Variants in ZZEF1 observed in about 807,000 individuals in gnomAD.
The protein encoded by ZZEF1 is zinc finger ZZ-type and EF-hand domain-containing protein 1.
Under a neutral mutation model 342.8 loss-of-function variants are expected in ZZEF1, and 157 were observed. The ratio of observed to expected loss-of-function variants is 0.46; its 90% confidence interval spans 0.40 to 0.52. ZZEF1 has a LOEUF of 0.52. ZZEF1 is among the 20% of genes least tolerant of loss of function. ZZEF1 has a pLI of 0.00. For synonymous variants in ZZEF1, 1,505 were observed against 1,429.1 expected, an observed-to-expected ratio of 1.05 and a Z score of -1.20; for missense variants, 3,480 against 3,725.6, an observed-to-expected ratio of 0.93 and a Z score of 1.72.
intron 16 of ZZEF1, among the ~76,000 whole-genome samples, chr17:4,084,085 A>G (rs923976449): frequency 1.3e-5 from 2 of 152,234 alleles, no homozygotes; most frequent in Non-Finnish European, 2.9e-5. Context: ...ATCAAAGAGA[A>G]GCAACGACAG....
Position 4,020,826 on chromosome 17 carries a change from AG to A in ZZEF1, c.7404+302del, listed in dbSNP as rs1381140914. 3.9e-5 allele frequency among the ~76,000 whole-genome samples: 6 copies of A among 152,366 alleles called. No individual in the cohort carries two copies. In the South Asian group the frequency reaches 1.0e-3, roughly 26 times the overall value. ...CGTATAGAGTTCATGGACGAGCCTT[AG>A]GGCTTTAGTAAGCCCTTGAAATTCG... On this transcript the variant is annotated intron_variant, in intron 45 of 54. Transcript: ENST00000381638.
intron 40 of ZZEF1, 75 bp downstream of exon 40, chr17:4,033,940 G>T: frequency 6.4e-7 from 1 of 1,561,866 alleles, no homozygotes; most frequent in East Asian, 2.3e-5. Context: ...TCAACAGCCA[G>T]ACCTTCAACT....
At chr17:4,050,622 C>T (rs746523159) in intron 36 of ZZEF1, among the ~76,000 whole-genome samples, 159 bp downstream of exon 36, 3 of 152,188 alleles carry the variant, frequency 2.0e-5, no homozygotes, top group Non-Finnish European at 4.4e-5. Flanking sequence ...TAAAATCCAT[C>T]GGGGAACTTA....
chr17:4,131,486 A>AG (rs890442465), intron 1 of ZZEF1, among the ~76,000 whole-genome samples: 1 of 21,768 alleles, frequency 4.6e-5, no homozygotes, highest in African/African-American at 5.0e-5. Context: ...AAGATGTATA[A>AG]GAAAAAAAAA....
At chr17:4,032,051 T>G in intron 42 of ZZEF1, 75 bp downstream of exon 42, 1 of 1,483,360 alleles carries the variant, frequency 6.7e-7, no homozygotes, top group Non-Finnish European at 9.0e-7. Flanking sequence ...GCCAAGGTAA[T>G]TTCATTGATT....
In ZZEF1 at chr17:4,044,327, C is replaced by T. The variant is rs773890568; in HGVS notation, c.6063G>A (p.Gln2021=). The change falls in exon 38 of 55, where the codon CAG becomes CAA. Residue 2021 remains glutamine, a synonymous_variant. Coordinates refer to ENST00000381638, the MANE Select transcript of ZZEF1 (RefSeq NM_015113.4). The part of the protein sequence containing the change: ...HEEIRPVDFK[Q]RNKADKGVSL... ...ATACACCTTTATCTGCCTTATTTCT[C>T]TGCTTGAAATCTACAGGTCTGATTT... 6.2e-7 allele frequency: 1 copy of T among 1,613,934 alleles called. No homozygotes were observed. The highest frequency in any genetic ancestry group is 1.3e-5 in the African/African-American group (1 of 74,900).
chr17:4,035,167 A>G (rs574438495), intron 39 of ZZEF1, among the ~76,000 whole-genome samples: 2 of 152,324 alleles, frequency 1.3e-5, no homozygotes, highest in East Asian at 3.9e-4. Context: ...CCATTCAGCT[A>G]AACGGCCTGG....
In ZZEF1 at chr17:4,105,496, A is replaced by T. The variant is rs190365899; in HGVS notation, c.1394+197T>A. ...GCAACACCCCTCACCAACCTTCCCA[A>T]TTCTTCAGGTCAGGTGATACTGCTA... On this transcript the variant is annotated intron_variant, in intron 7 of 54. Coordinates refer to ENST00000381638, the MANE Select transcript of ZZEF1 (RefSeq NM_015113.4). Among the ~76,000 whole-genome samples the T allele has an allele frequency of 5.7e-3, 868 of 152,312 alleles. 5 individuals carry two copies. Among genetic ancestry groups the T allele is most frequent in the African/African-American group, 0.02 (834 of 41,564 alleles).
At chr17:4,037,680 C>A (rs188296485) in intron 39 of ZZEF1, among the ~76,000 whole-genome samples, 146 of 152,242 alleles carry the variant, frequency 9.6e-4, no homozygotes, top group Non-Finnish European at 1.6e-3. Context: ...ACCTCCTGGG[C>A]TCGAGTGATC....
rs775967533 is a variant in ZZEF1, at chr17:4,109,612, G to C, written c.1277+41C>G. On this transcript the variant is annotated intron_variant, in intron 6 of 54. Transcript: ENST00000381638. The stretch of plus-strand genomic sequence containing the variant: ...GCCCTAAAGGATGATGGGAGAATGA[G>C]GGCATGTTGAGGGGGCTGGAACATA... 10 of 1,594,324 alleles carry C rather than the reference G, an allele frequency of 6.3e-6. No individual in the cohort carries two copies. The East Asian group carries it at 1.8e-4, about 29-fold the overall frequency.
Position 4,031,998 on chromosome 17 carries a change from G to C in ZZEF1, c.6892+128C>G, listed in dbSNP as rs867721929. 8.4e-6 allele frequency: 8 copies of C among 949,818 alleles called. 1 individual carries two copies. The highest frequency in any genetic ancestry group is 1.8e-5 in the South Asian group (1 of 55,428). The allele number at this position is 949,818 out of a possible 1,614,324, so 58.8% of individuals were successfully genotyped here. ...AGAAATAAGGAAAAAGAAGCTCGGG[G>C]AGCTATAACTTGTTCTTTAAAAAAA... is the stretch of plus-strand genomic sequence containing the variant. On this transcript the variant is annotated intron_variant, in intron 42 of 54. Transcript: ENST00000381638.
chr17:4,015,713 G>A (rs1413573063), intron 49 of ZZEF1, among the ~76,000 whole-genome samples: 6 of 151,730 alleles, frequency 4.0e-5, no homozygotes, highest in Admixed American at 1.3e-4. Flanking sequence ...GCAGTGAGCC[G>A]AGATCACACC....
chr17:4,092,088 A>AAAAT (rs1555604408), intron 11 of ZZEF1, among the ~76,000 whole-genome samples: 1,507 of 144,982 alleles, frequency 0.01, 35 homozygotes, highest in African/African-American at 0.036. Flanking sequence ...AAAAAAAAAA[A>AAAAT]AATAATAAAA....
rs1341625035 is a variant in ZZEF1, at chr17:4,086,502, G to A, written c.2496C>T (p.Tyr832=). Reference sequence around the variant, plus strand: ...AATCCCTACCATCACACAAGTGTGTGTACAGCTCCTTGGCAGCCTCTACTC... The same window carrying A: ...AATCCCTACCATCACACAAGTGTGTATACAGCTCCTTGGCAGCCTCTACTC... ...PKGVEAAKEL[Y]THLCDVVDKV... Residue 832 remains tyrosine, a synonymous_variant, in exon 15 of 55, where the codon TAC becomes TAT. Transcript: ENST00000381638. 2 of 1,614,078 alleles carry A rather than the reference G, an allele frequency of 1.2e-6. No homozygotes were observed. The highest frequency in any genetic ancestry group is 1.7e-5 in the Admixed American group (1 of 60,000).
rs747259968 is a variant in ZZEF1 at position 4,008,388 on chromosome 17, G to C, written c.8805+495C>G. ...TACTTTAAAAAAATAAATTGATAAAGGTTTACACTTTTGCTTAATTTTTAA... is the reference window on the plus strand; with the variant it reads ...TACTTTAAAAAAATAAATTGATAAACGTTTACACTTTTGCTTAATTTTTAA... On this transcript the variant is annotated intron_variant, in intron 54 of 54. Transcript: ENST00000381638. The surrounding 1 kb of genome is among the most constrained non-coding windows in gnomAD (Gnocchi z 4.2). 1 of 352,936 alleles carries C rather than the reference G, an allele frequency of 2.8e-6. No individual in the cohort carries two copies. The highest frequency in any genetic ancestry group is 3.9e-6 in the Non-Finnish European group (1 of 253,838). 21.9% of individuals were successfully genotyped at this position (352,936 alleles called of 1,614,324 possible).
Position 4,009,651 on chromosome 17 carries a change from G to A in ZZEF1, c.8686C>T (p.His2896Tyr). ...VTQPGILLPL[H>Y]RALTELFFVT... ...AAGAAGAGCTCAGTGAGGGCACGAT[G>A]CAGGGGAAGGAGGATGCCGGGCTGC... Residue 2896 changes from histidine (H) to tyrosine (Y), a missense_variant, in exon 53 of 55, where the codon CAT becomes TAT. His to Tyr is a moderately conservative substitution (Grantham distance 83). Around this residue, in one of 5 missense-constraint regions of ZZEF1, gnomAD observed 1,269 missense variants for 1,342.4 expected, o/e 0.95. Coordinates refer to ENST00000381638, the MANE Select transcript of ZZEF1 (RefSeq NM_015113.4). The A allele has an allele frequency of 6.2e-7, 1 of 1,614,092 alleles. No homozygotes were observed. The highest frequency in any genetic ancestry group is 8.5e-7 in the Non-Finnish European group (1 of 1,180,036).
intron 4 of ZZEF1, among the ~76,000 whole-genome samples, chr17:4,114,031 T>C (rs2058355799): frequency 6.6e-6 from 1 of 152,208 alleles, no homozygotes; most frequent in Non-Finnish European, 1.5e-5. Flanking sequence ...AAGTACTTAT[T>C]CTTTGTGGTA....
chr17:4,064,474 C>T lies in ZZEF1; in HGVS notation c.4605G>A (p.Leu1535=), dbSNP rs772339238. The change falls in exon 29 of 55, where the codon CTG becomes CTA. Residue 1535 remains leucine, a synonymous_variant. Transcript: ENST00000381638. Reference sequence around the variant, plus strand: ...CCTCCTCCATGGATCGAAAGGAGAGCAGCCGGAGTCGCCCTCGGGTGAAGG... The same window carrying T: ...CCTCCTCCATGGATCGAAAGGAGAGTAGCCGGAGTCGCCCTCGGGTGAAGG... ...RPPFTRGRLR[L]LSFRSMEEAR... 3 of 1,614,142 alleles carry T rather than the reference C, an allele frequency of 1.9e-6. No homozygotes were observed. Among genetic ancestry groups the T allele is most frequent in the Admixed American group, 3.3e-5 (2 of 60,022 alleles).
At chr17:4,032,393 C>T in intron 41 of ZZEF1, 135 bp from the exon 42 acceptor site, 1 of 999,112 alleles carries the variant, frequency 1.0e-6, no homozygotes, top group Non-Finnish European at 1.4e-6. Flanking sequence ...CTTCTCATCT[C>T]TAAGTCCAAA....
Sources: gnomAD v4.1 joint callset for allele counts (sites outside exome capture counted in the v4.1 genomes callset) on GRCh38, gnomAD v4.1.1 for gene constraint, gnomAD v4.1.1 regional missense constraint, Gnocchi (gnomAD v3.1) non-coding constraint, MANE v1.5 for transcripts, NCBI Gene and HGNC (gene_info 2026-07-23, HGNC 2026-07-21) for gene names.